Variants in MROH2A observed in about 807,000 individuals in gnomAD.
The protein encoded by MROH2A is maestro heat-like repeat-containing protein family member 2A.
A neutral mutation model predicts 200.4 loss-of-function variants in MROH2A; 174 were observed. That is an observed-to-expected ratio of 0.87 (90% CI 0.77 to 0.98). The LOEUF (loss-of-function observed/expected upper bound fraction) is 0.98, where lower values mean the gene tolerates loss of function less well. MROH2A is among the 50% of genes least tolerant of loss of function. The pLI is 0.00. For missense variants in MROH2A, 2,045 were observed against 2,139.6 expected, an observed-to-expected ratio of 0.96 and a Z score of 0.87; for synonymous variants, 829 against 840.4, an observed-to-expected ratio of 0.99 and a Z score of 0.23.
rs1345999802 is a variant in MROH2A, at chr2:233,807,871, T to C, written c.2295+16T>C. ...TGCTTGGCGGGTAAGCCACCTTCCC[T>C]CCACAACTGGGTCTTGGGATCTCTT... On this transcript the variant is annotated intron_variant, in intron 21 of 41. Transcript: ENST00000389758. The surrounding 1 kb of genome is among the most constrained non-coding windows in gnomAD (Gnocchi z 4.3). 1.9e-6 allele frequency: 3 copies of C among 1,550,944 alleles called. No individual in the cohort carries two copies. In the South Asian group the frequency reaches 3.6e-5, roughly 18 times the overall value.
chr2:233,792,686 C>T, intron 5 of MROH2A, 110 bp from the exon 6 acceptor site: 1 of 694,126 alleles, frequency 1.4e-6, no homozygotes, highest in South Asian at 1.7e-5. Flanking sequence ...GCTAAGCCAG[C>T]TCTGGACTGT....
intron 24 of MROH2A, among the ~76,000 whole-genome samples, chr2:233,813,183 G>A (rs2126150798): frequency 6.6e-6 from 1 of 152,350 alleles, no homozygotes; most frequent in Admixed American, 6.5e-5. Context: ...TCAAAACACA[G>A]ATGGCTGCAG....
At chr2:233,792,937 C>G in intron 6 of MROH2A, 43 bp downstream of exon 6, 1 of 1,541,390 alleles carries the variant, frequency 6.5e-7, no homozygotes, top group Non-Finnish European at 8.8e-7. Flanking sequence ...TCGATCAGGG[C>G]GCCGGAGGGA....
intron 35 of MROH2A, among the ~76,000 whole-genome samples, chr2:233,824,629 T>A (rs1215169636): frequency 1.3e-5 from 2 of 152,212 alleles, no homozygotes; most frequent in Non-Finnish European, 2.9e-5. Context: ...TGGCTGGAGA[T>A]GAAGTTACTT....
In MROH2A at chr2:233,807,317, C is replaced by T; in HGVS notation, c.2053-106C>T. On this transcript the variant is annotated intron_variant, in intron 19 of 41. Coordinates refer to ENST00000389758, the MANE Select transcript of MROH2A (RefSeq NM_001394639.1). This position sits in a 1 kb window ranked among gnomAD's most constrained non-coding sequence, Gnocchi z 4.3. ...TAAACGTGTGTGCAAGTATCTTCTG[C>T]ACATTAAAATAAATTGAAAAATACG... 1 of 1,247,960 alleles carries T rather than the reference C, an allele frequency of 8.0e-7. No homozygotes were observed. The highest frequency in any genetic ancestry group is 1.1e-6 in the Non-Finnish European group (1 of 923,962). The allele number at this position is 1,247,960 out of a possible 1,614,324, so 77.3% of individuals were successfully genotyped here. A position where few individuals can be genotyped will look rare whatever the true frequency, so the allele number is the denominator to read the frequency against.
intron 31 of MROH2A, among the ~76,000 whole-genome samples, chr2:233,821,686 A>G (rs894636405): frequency 6.6e-6 from 1 of 152,142 alleles, no homozygotes; most frequent in African/African-American, 2.4e-5. Context: ...TGCAAGCCTC[A>G]CTTCCCTCTT....
intron 3 of MROH2A, among the ~76,000 whole-genome samples, chr2:233,788,099 A>T (rs1193903590): frequency 9.5e-6 from 1 of 105,274 alleles, no homozygotes; most frequent in Non-Finnish European, 1.8e-5. Context: ...TACATATATT[A>T]TATATACATA....
intron 18 of MROH2A, 22 bp from the exon 19 acceptor site, chr2:233,804,982 C>G (rs200385384): frequency 1.3e-6 from 2 of 1,494,410 alleles, no homozygotes. Context: ...GCCCTTCTCA[C>G]CAACGTCTTG....
chr2:233,813,896 T>C, intron 25 of MROH2A, 118 bp downstream of exon 25: 1 of 559,692 alleles, frequency 1.8e-6, no homozygotes, highest in East Asian at 3.0e-5. Context: ...GGCAGCGGAG[T>C]GTAGCAAGCT....
chr2:233,820,878 G>A lies in MROH2A; in HGVS notation c.3512+822G>A, dbSNP rs577172172. ...CCCTGTGGAGCTGCTTCTCATAAGG[G>A]CAGCCCTGCCGTGGGTCCAGCTGGG... On this transcript the variant is annotated intron_variant, in intron 31 of 41. Coordinates refer to ENST00000389758, the MANE Select transcript of MROH2A (RefSeq NM_001394639.1). The surrounding 1 kb of genome is among the most constrained non-coding windows in gnomAD (Gnocchi z 4.1). Among the ~76,000 whole-genome samples, 13 of 152,332 alleles carry A rather than the reference G, an allele frequency of 8.5e-5. No homozygotes were observed. In the East Asian group the frequency reaches 2.3e-3, roughly 27 times the overall value.
intron 35 of MROH2A, among the ~76,000 whole-genome samples, chr2:233,827,683 T>C (rs1172343861): frequency 6.6e-6 from 1 of 152,000 alleles, no homozygotes; most frequent in Non-Finnish European, 1.5e-5. Context: ...CGTCTACCTA[T>C]GTAACAAGCT....
Position 233,829,759 on chromosome 2 carries a change from G to C in MROH2A, c.4586G>C (p.Cys1529Ser). ...CTCATGCTGCACTCCCAGGACCCCTGCTCCAATGCAGCCCAAGTAAGATAC... is the reference window on the plus strand; with the variant it reads ...CTCATGCTGCACTCCCAGGACCCCTCCTCCAATGCAGCCCAAGTAAGATAC... ...IPLMLHSQDP[C>S]SNAAQACMAT... Residue 1529 changes from cysteine to serine, a missense_variant, in exon 38 of 42, where the codon TGC becomes TCC. Transcript: ENST00000389758. 7.2e-7 allele frequency: 1 copy of C among 1,395,786 alleles called. No homozygotes were observed. Among genetic ancestry groups the C allele is most frequent in the Non-Finnish European group, 9.3e-7 (1 of 1,069,596 alleles). 86.5% of individuals were successfully genotyped at this position (1,395,786 alleles called of 1,614,324 possible). A position where few individuals can be genotyped will look rare whatever the true frequency, so the allele number is the denominator to read the frequency against.
chr2:233,792,391 C>T (rs1290672217), intron 5 of MROH2A, among the ~76,000 whole-genome samples: 2 of 151,460 alleles, frequency 1.3e-5, no homozygotes, highest in East Asian at 3.9e-4. Context: ...CGGCTCACTG[C>T]AAGCTCCGCC....
At chr2:233,816,073 T>A (rs945047148) in intron 26 of MROH2A, among the ~76,000 whole-genome samples, 1 of 152,242 alleles carries the variant, frequency 6.6e-6, no homozygotes, top group Non-Finnish European at 1.5e-5. Context: ...TTTAAATCCT[T>A]TTAAATTGAC....
intron 8 of MROH2A, 33 bp downstream of exon 8, chr2:233,794,539 G>C: frequency 6.6e-6 from 8 of 1,203,744 alleles, no homozygotes; most frequent in Non-Finnish European, 9.6e-6. Context: ...CTCTGGGCAG[G>C]AGGCTTAGGG....
chr2:233,813,049 G>A (rs1033050283), intron 24 of MROH2A, among the ~76,000 whole-genome samples: 9 of 152,294 alleles, frequency 5.9e-5, no homozygotes, highest in Admixed American at 2.6e-4. Context: ...TGGTCCCTGG[G>A]GGTCCTTAAA....
At chr2:233,808,985 T>G in intron 21 of MROH2A, 141 bp from the exon 22 acceptor site, 1 of 873,336 alleles carries the variant, frequency 1.1e-6, no homozygotes, top group East Asian at 2.7e-5. Context: ...ACGATGAACA[T>G]TTCAGGCACC....
rs553847540 is a variant in MROH2A, at chr2:233,832,104, C to A, written c.4735-73C>A. ...CTCTGATGCATCTTGGTGATGGGAA[C>A]ACGCTTGATGAATGACAGCCCATTG... On this transcript the variant is annotated intron_variant, in intron 39 of 41. Coordinates refer to ENST00000389758, the MANE Select transcript of MROH2A (RefSeq NM_001394639.1). 9.5e-5 allele frequency: 120 copies of A among 1,260,176 alleles called. No homozygotes were observed. The East Asian group carries it at 2.0e-3, about 21-fold the overall frequency. The allele number at this position is 1,260,176 out of a possible 1,614,324, so 78.1% of individuals were successfully genotyped here.
chr2:233,832,763 T>TGGGGGGGGGGG, intron 41 of MROH2A, 119 bp downstream of exon 41: 18 of 389,280 alleles, frequency 4.6e-5, no homozygotes, highest in East Asian at 2.0e-4. Flanking sequence ...TTCGGGGGGG[T>TGGGGGGGGGGG]GGGAGTGCAA....
Sources: allele counts gnomAD v4.1 joint callset (sites outside exome capture counted in the v4.1 genomes callset), GRCh38; gene constraint gnomAD v4.1.1; non-coding constraint Gnocchi (gnomAD v3.1); transcripts MANE v1.5; gene names NCBI Gene and HGNC (gene_info 2026-07-23, HGNC 2026-07-21).